Variants in RAC1 observed in about 807,000 individuals in gnomAD.
RAC1 encodes Rac family small GTPase 1, also known as ras-related C3 botulinum toxin substrate 1.
RAC1 carries 2 observed loss-of-function variants against 25.2 expected under a neutral mutation model. The ratio of observed to expected loss-of-function variants is 0.08; its 90% CI spans 0.03 to 0.25. The LOEUF is 0.25. Among genes scored for constraint, RAC1 ranks in the 10% least tolerant of loss-of-function variants. The probability of loss-of-function intolerance (pLI) is 1.00; values close to 1 mark genes in which losing one functional copy is unlikely to be tolerated. For missense variants in RAC1, 50 were observed against 235.7 expected (o/e 0.21, Z 5.16); for synonymous variants, 88 against 94.0 (o/e 0.94, Z 0.37).
chr7:6,380,913 G>C (rs865988854), intron 1 of RAC1, among the ~76,000 whole-genome samples: 41 of 152,170 alleles, frequency 2.7e-4, no homozygotes, highest in African/African-American at 9.7e-4. Flanking sequence ...CTGTTGCCCA[G>C]GCTGGAGTGC....
intron 1 of RAC1, among the ~76,000 whole-genome samples, chr7:6,377,891 G>A (rs1212580752): frequency 6.6e-6 from 1 of 152,048 alleles, no homozygotes; most frequent in Non-Finnish European, 1.5e-5. Context: ...GGTGACAGAG[G>A]GAAACTGTCT....
intron 1 of RAC1, among the ~76,000 whole-genome samples, chr7:6,376,501 C>CTTTTTTTTT (rs1782601672): frequency 1.1e-5 from 1 of 91,186 alleles, no homozygotes; most frequent in African/African-American, 5.2e-5. Context: ...TTTTTTTTTT[C>CTTTTTTTTT]TTTTCTTTTT....
At chr7:6,397,248 A>C (rs1783268362) in intron 3 of RAC1, among the ~76,000 whole-genome samples, 2 of 107,230 alleles carry the variant, frequency 1.9e-5, no homozygotes, top group Non-Finnish European at 2.0e-5. Flanking sequence ...CTCAAAAAAA[A>C]AAAAGAAAAA....
intron 1 of RAC1, among the ~76,000 whole-genome samples, chr7:6,383,409 A>T (rs34244271): frequency 9.8e-4 from 140 of 143,050 alleles, no homozygotes; most frequent in Non-Finnish European, 1.5e-3. Context: ...TTTTGATTGC[A>T]CTAAGCTTAA....
At chr7:6,397,246 A>G (rs930444170) in intron 3 of RAC1, among the ~76,000 whole-genome samples, 60 of 107,040 alleles carry the variant, frequency 5.6e-4, no homozygotes, top group African/African-American at 2.1e-3. Context: ...GTCTCAAAAA[A>G]AAAAAAGAAA....
chr7:6,389,964 TCCCTTCC>T (rs1783040794), intron 2 of RAC1, among the ~76,000 whole-genome samples: 3 of 136,510 alleles, frequency 2.2e-5, no homozygotes, highest in Non-Finnish European at 3.2e-5. Context: ...CCTCCCTTCC[TCCCTTCC>T]TTTCTTCCCT....
At position 6,392,002 on chromosome 7, in the gene RAC1, A is replaced by G; in HGVS notation, c.186A>G (p.Glu62=). Residue 62 remains glutamate (E), a synonymous_variant, in exon 3 of 6, where the codon GAA becomes GAG. Transcript: ENST00000348035. The stretch of plus-strand genomic sequence containing the variant: ...GCTTATGGGATACAGCTGGACAAGA[A>G]GATTATGACAGATTACGCCCCCTAT... ...NLGLWDTAGQ[E]DYDRLRPLSY... The G allele has an allele frequency of 6.2e-7, 1 of 1,614,208 alleles. No individual in the cohort carries two copies. The highest frequency in any genetic ancestry group is 1.3e-5 in the African/African-American group (1 of 75,050).
intron 1 of RAC1, among the ~76,000 whole-genome samples, chr7:6,383,431 C>T (rs1044577339): frequency 3.4e-5 from 3 of 87,570 alleles, no homozygotes; most frequent in Non-Finnish European, 5.9e-5. Flanking sequence ...TATAAGGTTG[C>T]ACTTTAAGAA....
At chr7:6,401,718 G>T in intron 4 of RAC1, 150 bp from the exon 5 acceptor site, 1 of 693,884 alleles carries the variant, frequency 1.4e-6, no homozygotes, top group Non-Finnish European at 2.4e-6. Context: ...CTCAAGGCTT[G>T]AATTGAAGGT....
intron 3 of RAC1, chr7:6,398,779 G>A (rs376256768): frequency 1.3e-5 from 20 of 1,496,490 alleles, no homozygotes; most frequent in African/African-American, 7.0e-5. Context: ...ATTTCACTTC[G>A]TTTTCCTAGG....
Position 6,392,059 on chromosome 7 carries a change from CT to C in RAC1, c.225+22del. 1.2e-6 allele frequency: 2 copies of C among 1,613,742 alleles called. No homozygotes were observed. Among genetic ancestry groups the C allele is most frequent in the Non-Finnish European group, 1.7e-6 (2 of 1,179,876 alleles). On this transcript the variant is annotated intron_variant, in intron 3 of 5. Coordinates refer to ENST00000348035, the MANE Select transcript of RAC1 (RefSeq NM_006908.5). Reference sequence around the variant, plus strand: ...CGCAAACAGTAAGGATTGCAGCTGACTTTTAATGTGTCTTTTAGAGTATATA... The same window carrying C: ...CGCAAACAGTAAGGATTGCAGCTGACTTTAATGTGTCTTTTAGAGTATATA...
intron 3 of RAC1, among the ~76,000 whole-genome samples, chr7:6,397,036 C>CAAAA (rs151105670): frequency 1.2e-5 from 1 of 80,190 alleles, no homozygotes; most frequent in South Asian, 4.9e-4. Flanking sequence ...CTCTCAAAAA[C>CAAAA]AAAAAAAAAA....
intron 1 of RAC1, among the ~76,000 whole-genome samples, chr7:6,381,455 C>G (rs10270289): frequency 1.9e-4 from 28 of 148,304 alleles, no homozygotes; most frequent in Non-Finnish European, 3.1e-4. Flanking sequence ...TGCAGTGGCA[C>G]GAAATCAGCT....
At chr7:6,383,816 T>C (rs78029899) in intron 1 of RAC1, among the ~76,000 whole-genome samples, 1 of 125,654 alleles carries the variant, frequency 8.0e-6, no homozygotes, top group Middle Eastern at 3.9e-3. Context: ...TTTTTTTTTT[T>C]TTTGAGACGG....
In RAC1 at chr7:6,390,254, T is replaced by C. The variant is rs143553107; in HGVS notation, c.108-1670T>C. 2.8e-4 allele frequency among the ~76,000 whole-genome samples: 42 copies of C among 151,936 alleles called. 1 individual carries two copies. In the East Asian group the frequency reaches 7.4e-3, roughly 27 times the overall value. ...ATAATCCTCAGTCTGTCATTTGTCT[T>C]TGTACTTCATTATGGTGTCTTCTGC... On this transcript the variant is annotated intron_variant, in intron 2 of 5. Coordinates refer to ENST00000348035, the MANE Select transcript of RAC1 (RefSeq NM_006908.5).
chr7:6,388,270 T>A (rs944783716), intron 2 of RAC1, among the ~76,000 whole-genome samples: 4 of 151,606 alleles, frequency 2.6e-5, no homozygotes, highest in East Asian at 1.9e-4. Context: ...TGTGTTCACC[T>A]CCTCAGGCAC....
At chr7:6,381,929 CA>C (rs1782777026) in intron 1 of RAC1, among the ~76,000 whole-genome samples, 2 of 152,082 alleles carry the variant, frequency 1.3e-5, no homozygotes, top group Non-Finnish European at 2.9e-5. Flanking sequence ...TTAATTTATT[CA>C]ATAAGTAGGA....
chr7:6,402,368 A>G lies in RAC1; in HGVS notation c.501A>G (p.Thr167=), dbSNP rs2115218570. 2.5e-6 allele frequency: 4 copies of G among 1,612,258 alleles called. No homozygotes were observed. Among genetic ancestry groups the G allele is most frequent in the African/African-American group, 1.3e-5 (1 of 74,894 alleles). Residue 167 remains threonine (T), a synonymous_variant, in exon 6 of 6, where the codon ACA becomes ACG. Transcript: ENST00000348035. ...CGCTCACACAGCGAGGCCTCAAGAC[A>G]GTGTTTGACGAAGCGATCCGAGCAG... ...CSALTQRGLK[T]VFDEAIRAVL...
chr7:6,401,708 C>T, intron 4 of RAC1, 160 bp from the exon 5 acceptor site: 1 of 647,880 alleles, frequency 1.5e-6, no homozygotes, highest in Non-Finnish European at 2.6e-6. Flanking sequence ...TTCCTTATGG[C>T]TCAAGGCTTG....
Sources: allele counts gnomAD v4.1 joint callset (sites outside exome capture counted in the v4.1 genomes callset), GRCh38; gene constraint gnomAD v4.1.1; transcripts MANE v1.5; gene names NCBI Gene and HGNC (gene_info 2026-07-23, HGNC 2026-07-21).